The following ZNF850 variants were observed in gnomAD, a reference collection of about 807,000 sequenced individuals.
ZNF850 encodes zinc finger protein 850.
ZNF850 carries 2 observed loss-of-function variants against 11.9 expected under a neutral mutation model. The observed-to-expected ratio is 0.17, with a 90% CI of 0.07 to 0.53. The LOEUF (loss-of-function observed/expected upper bound fraction) is 0.53. ZNF850 is among the 20% of genes least tolerant of loss of function. The pLI is 0.94. For synonymous variants in ZNF850, 381 were observed against 443.0 expected (o/e 0.86, Z 1.76); for missense variants, 1,014 against 1,316.4 (o/e 0.77, Z 3.55).
chr19:36,756,746 T>C (rs2040488981), intron 4 of ZNF850, among the ~76,000 whole-genome samples: 1 of 152,162 alleles, frequency 6.6e-6, no homozygotes, highest in African/African-American at 2.4e-5. Context: ...CCCAAGTAGC[T>C]GGGACTACAG....
intron 4 of ZNF850, among the ~76,000 whole-genome samples, chr19:36,753,130 A>G (rs1273460407): frequency 6.6e-6 from 1 of 151,978 alleles, no homozygotes; most frequent in East Asian, 1.9e-4. Flanking sequence ...TAAGCCAGGC[A>G]TGGTGGTGCA....
At position 36,744,297 on chromosome 19, in the gene ZNF850, TAA is replaced by T. The variant is rs1336548830; in HGVS notation, c.*3468_*3469del. 1 of 152,142 alleles carries T rather than the reference TAA, an allele frequency of 6.6e-6. No homozygotes were observed. Among genetic ancestry groups the T allele is most frequent in the African/African-American group, 2.4e-5 (1 of 41,416 alleles). The allele number at this position is 152,142 out of a possible 1,614,324, so 9.4% of individuals were successfully genotyped here. ...TCTTTAAAAAATTCTACTTTTTTCA[TAA>T]AAAGAGTTAATTTTTAAAAGTGAAA... On this transcript the variant is annotated 3_prime_UTR_variant, in exon 5 of 5. Transcript: ENST00000591344.
chr19:36,771,092 G>T (rs1272231616), intron 1 of ZNF850, among the ~76,000 whole-genome samples: 1 of 152,184 alleles, frequency 6.6e-6, no homozygotes, highest in Non-Finnish European at 1.5e-5. Flanking sequence ...TGCAGCAATT[G>T]AGTTGTTAGG....
rs1295834521 is a variant in ZNF850 at position 36,749,437 on chromosome 19, A to G, written c.1603T>C (p.Cys535Arg). 3.2e-6 allele frequency: 5 copies of G among 1,550,640 alleles called. No individual in the cohort carries two copies. The highest frequency in any genetic ancestry group is 2.4e-5 in the South Asian group (2 of 84,882). ...RIHTGEKPYH[C>R]KECGKSFTFR... ...GTAAAAGATTTTCCACATTCCTTAC[A>G]ATGATAGGGTTTCTCACCAGTGTGA... Residue 535 changes from cysteine to arginine, a missense_variant, in exon 5 of 5, where the codon TGT (cysteine) becomes CGT (arginine). Cys to Arg is a radical substitution (Grantham distance 180). Transcript: ENST00000591344.
chr19:36,771,826 T>C (rs2040586241), intron 1 of ZNF850, among the ~76,000 whole-genome samples: 1 of 152,184 alleles, frequency 6.6e-6, no homozygotes, highest in African/African-American at 2.4e-5. Context: ...CCCAACCGCC[T>C]GACTTCCTTA....
At chr19:36,755,327 A>G (rs2040479247) in intron 4 of ZNF850, among the ~76,000 whole-genome samples, 1 of 152,084 alleles carries the variant, frequency 6.6e-6, no homozygotes, top group African/African-American at 2.4e-5. Context: ...TCCCAGGTTC[A>G]ATCAGTTCTG....
intron 4 of ZNF850, among the ~76,000 whole-genome samples, chr19:36,753,303 T>TA (rs1434967987): frequency 7.2e-6 from 1 of 139,252 alleles, no homozygotes; most frequent in East Asian, 2.1e-4. Context: ...GTAAAAGTTC[T>TA]ATAAGCCAGG....
chr19:36,757,890 C>A (rs551099297), intron 4 of ZNF850, among the ~76,000 whole-genome samples: 1 of 152,186 alleles, frequency 6.6e-6, no homozygotes, highest in Non-Finnish European at 1.5e-5. Flanking sequence ...GGTGCAATCA[C>A]AGCTCACTGC....
Position 36,750,482 on chromosome 19 carries a change from T to C in ZNF850, c.558A>G (p.Gln186=), listed in dbSNP as rs2145956506. 6.5e-7 allele frequency: 1 copy of C among 1,536,358 alleles called. No individual in the cohort carries two copies. The highest frequency in any genetic ancestry group is 2.4e-5 in the East Asian group (1 of 40,924). Residue 186 remains glutamine (Q), a synonymous_variant, in exon 5 of 5, where the codon CAA becomes CAG. Transcript: ENST00000591344. The part of the protein sequence containing the change: ...MAFKYGSELT[Q]QQETHTGEKL... ...TTTCACCAGTATGGGTTTCTTGCTGTTGTGTAAGTTCTGAGCCATACTTAA... is the reference window on the plus strand; with the variant it reads ...TTTCACCAGTATGGGTTTCTTGCTGCTGTGTAAGTTCTGAGCCATACTTAA...
rs2040447012 is a variant in ZNF850 at position 36,750,465 on chromosome 19, G to A, written c.575C>T (p.Thr192Ile). The A allele has an allele frequency of 1.3e-6, 2 of 1,536,414 alleles. No individual in the cohort carries two copies. The highest frequency in any genetic ancestry group is 2.0e-5 in the Admixed American group (1 of 50,984). ...CTTACATTTATAGAGTTTTTCACCA[G>A]TATGGGTTTCTTGCTGTTGTGTAAG... is the stretch of plus-strand genomic sequence containing the variant. ...SELTQQQETH[T>I]GEKLYKCKEC... The change falls in exon 5 of 5, where the codon ACT becomes ATT. Residue 192 changes from threonine (T) to isoleucine (I), a missense_variant. Coordinates refer to ENST00000591344, the MANE Select transcript of ZNF850 (RefSeq NM_001193552.2).
chr19:36,752,262 C>A (rs952700642), intron 4 of ZNF850, among the ~76,000 whole-genome samples: 19 of 152,114 alleles, frequency 1.2e-4, no homozygotes, highest in African/African-American at 3.4e-4. Context: ...TACACAGAAC[C>A]TAGGCTCCTT....
intron 1 of ZNF850, among the ~76,000 whole-genome samples, chr19:36,770,814 G>A (rs1345595534): frequency 6.9e-6 from 1 of 145,620 alleles, no homozygotes; most frequent in Non-Finnish European, 1.5e-5. Context: ...ATCTGTATTT[G>A]AGAAAATCAC....
chr19:36,748,786 T>C lies in ZNF850; in HGVS notation c.2254A>G (p.Thr752Ala). ...TTACAATCATAGGGTTTCTCACCAG[T>C]GTGAATTTGCTGATGTTGAATTAGT... is the stretch of plus-strand genomic sequence containing the variant. ...STLIQHQQIH[T>A]GEKPYDCKEC... is the part of the protein sequence containing the mutation. Residue 752 changes from threonine (T) to alanine (A), a missense_variant, in exon 5 of 5, where the codon ACT becomes GCT. By Grantham distance (58) the Thr-to-Ala change is moderately conservative. Around this residue, in one of 2 missense-constraint regions of ZNF850, gnomAD observed 835 missense variants for 1,022.0 expected, o/e 0.82. Coordinates refer to ENST00000591344, the MANE Select transcript of ZNF850 (RefSeq NM_001193552.2). 6.4e-7 allele frequency: 1 copy of C among 1,552,634 alleles called. No homozygotes were observed. The highest frequency in any genetic ancestry group is 8.7e-7 in the Non-Finnish European group (1 of 1,153,912).
intron 4 of ZNF850, among the ~76,000 whole-genome samples, chr19:36,761,179 C>T (rs1280208538): frequency 2.6e-5 from 4 of 151,998 alleles, no homozygotes; most frequent in African/African-American, 7.3e-5. Flanking sequence ...GTGGCTCACA[C>T]CTGTAATCCC....
chr19:36,769,748 A>G (rs1391483603), intron 1 of ZNF850, among the ~76,000 whole-genome samples: 1 of 152,188 alleles, frequency 6.6e-6, no homozygotes, highest in Non-Finnish European at 1.5e-5. Flanking sequence ...AAACCAGAAG[A>G]CTTCTGTGGC....
intron 4 of ZNF850, among the ~76,000 whole-genome samples, chr19:36,753,429 A>AAAAAAAAC: frequency 7.5e-6 from 1 of 133,328 alleles, no homozygotes; most frequent in East Asian, 2.0e-4. Flanking sequence ...TCTCAAAAAA[A>AAAAAAAAC]AAAAAAAAAA....
Position 36,750,570 on chromosome 19 carries a change from A to G in ZNF850, c.470T>C (p.Leu157Pro), listed in dbSNP as rs1427747614. 1 of 1,536,172 alleles carries G rather than the reference A, an allele frequency of 6.5e-7. No homozygotes were observed. The highest frequency in any genetic ancestry group is 1.4e-5 in the African/African-American group (1 of 73,170). ...TTPTFCLQTS[L>P]TLHHRIHPGE... ...AGGATGAATCCGATGATGCAGAGTG[A>G]GAGATGTCTGTAGGCAGAAAGTTGG... is the stretch of plus-strand genomic sequence containing the variant. The change falls in exon 5 of 5, where the codon CTC becomes CCC. Residue 157 changes from leucine to proline, a missense_variant. Physicochemically the swap from Leu to Pro is moderately conservative, Grantham distance 98 (BLOSUM62 -3). This residue lies in a region of ZNF850 where 835 missense variants were observed against 1,022.0 expected (regional missense o/e 0.82). Coordinates refer to ENST00000591344, the MANE Select transcript of ZNF850 (RefSeq NM_001193552.2).
rs781168661 is a variant in ZNF850, at chr19:36,748,193, G to A, written c.2847C>T (p.Gly949=). ...ATGTCTTACATTCATAGGGTTTCTC[G>A]CCAGTGTGAATACTGTGATGTTTGG... ...GLTKHHSIHT[G]EKPYECKTCG... The change falls in exon 5 of 5, where the codon GGC becomes GGT. Residue 949 remains glycine, a synonymous_variant. Transcript: ENST00000591344. 2.5e-5 allele frequency: 39 copies of A among 1,553,244 alleles called. No homozygotes were observed. Among genetic ancestry groups the A allele is most frequent in the African/African-American group, 1.4e-4 (10 of 73,150 alleles).
chr19:36,768,983 G>A (rs1217760571), intron 1 of ZNF850, among the ~76,000 whole-genome samples: 12 of 143,712 alleles, frequency 8.4e-5, no homozygotes, highest in East Asian at 2.1e-4. Context: ...AAAAAAGGCC[G>A]GGTGTGGTGG....
Sources: gnomAD v4.1 joint callset for allele counts (sites outside exome capture counted in the v4.1 genomes callset) on GRCh38, gnomAD v4.1.1 for gene constraint, gnomAD v4.1.1 regional missense constraint, MANE v1.5 for transcripts, NCBI Gene and HGNC (gene_info 2026-07-23, HGNC 2026-07-21) for gene names.